The following PPM1H variants were observed in gnomAD, a reference collection of about 807,000 sequenced individuals.
The protein encoded by PPM1H is protein phosphatase 1H.
PPM1H carries 27 observed loss-of-function variants against 54.9 expected under a neutral mutation model. The ratio of observed to expected loss-of-function variants is 0.49; its 90% CI spans 0.36 to 0.68. The LOEUF is 0.68. PPM1H is among the 30% of genes least tolerant of loss of function. The probability of loss-of-function intolerance (pLI) is 0.00; values close to 1 mark genes in which losing one functional copy is unlikely to be tolerated. For synonymous variants in PPM1H, 305 were observed against 270.8 expected (o/e 1.13, Z -1.24); for missense variants, 596 against 667.8 (o/e 0.89, Z 1.19).
At chr12:62,908,823 A>T (rs1871376409) in intron 1 of PPM1H, among the ~76,000 whole-genome samples, 1 of 152,234 alleles carries the variant, frequency 6.6e-6, no homozygotes, top group Non-Finnish European at 1.5e-5. Context: ...AACTCTAAGA[A>T]AAACATTTTC....
At chr12:62,862,689 C>A (rs1869643993) in intron 1 of PPM1H, among the ~76,000 whole-genome samples, 1 of 152,162 alleles carries the variant, frequency 6.6e-6, no homozygotes, top group South Asian at 2.1e-4. Context: ...CAAAGAGAGG[C>A]AGCACTTTAA....
intron 8 of PPM1H, among the ~76,000 whole-genome samples, chr12:62,675,740 T>C (rs1422200912): frequency 1.3e-5 from 2 of 152,230 alleles, no homozygotes; most frequent in African/African-American, 4.8e-5. Flanking sequence ...TGACTGCTAC[T>C]TCTGGCCATT....
chr12:62,905,692 C>T (rs997935814), intron 1 of PPM1H, among the ~76,000 whole-genome samples: 3 of 152,100 alleles, frequency 2.0e-5, no homozygotes, highest in African/African-American at 7.2e-5. Flanking sequence ...AACAGGAAGG[C>T]TTTAACATAC....
chr12:62,846,198 G>A (rs1023529642), intron 1 of PPM1H, among the ~76,000 whole-genome samples: 1 of 152,136 alleles, frequency 6.6e-6, no homozygotes, highest in Non-Finnish European at 1.5e-5. Context: ...AAGATTTCAG[G>A]ATAAAATTTA....
intron 5 of PPM1H, among the ~76,000 whole-genome samples, chr12:62,730,432 C>G (rs749656613): frequency 2.0e-5 from 3 of 152,162 alleles, no homozygotes; most frequent in Non-Finnish European, 2.9e-5. Context: ...GTTCCAATTT[C>G]CACCCTCATC....
At chr12:62,649,144 A>G (rs2075802221) in intron 9 of PPM1H, among the ~76,000 whole-genome samples, 1 of 152,150 alleles carries the variant, frequency 6.6e-6, no homozygotes. Context: ...TTAAGGAAAA[A>G]TGTTAAAAAT....
intron 1 of PPM1H, among the ~76,000 whole-genome samples, chr12:62,868,356 T>C (rs1481814155): frequency 1.3e-5 from 2 of 151,012 alleles, no homozygotes; most frequent in Non-Finnish European, 3.0e-5. Flanking sequence ...GCCCGCTTCC[T>C]GCTAGGGCCA....
Position 62,884,515 on chromosome 12 carries a change from A to AAAG in PPM1H, c.245+49976_245+49977insCTT, listed in dbSNP as rs1555203637. ...AAACTCCATATCAAAAAAAAAAAAA[A>AAAG]AAAGAAAGAAAGAAAGAGAGAAAAG... On this transcript the variant is annotated intron_variant, in intron 1 of 9. Transcript: ENST00000228705. Among the ~76,000 whole-genome samples, 1,077 of 146,274 alleles carry AAAG rather than the reference A, an allele frequency of 7.4e-3. 20 individuals carry two copies. Among genetic ancestry groups the AAAG allele is most frequent in the African/African-American group, 0.027 (1,023 of 37,524 alleles).
chr12:62,921,074 G>A (rs1020796700), intron 1 of PPM1H, among the ~76,000 whole-genome samples: 3 of 151,968 alleles, frequency 2.0e-5, no homozygotes, highest in African/African-American at 7.2e-5. Flanking sequence ...ACAGGCACCT[G>A]CTACCACACC....
At chr12:62,736,741 A>G (rs911931171) in intron 5 of PPM1H, among the ~76,000 whole-genome samples, 2 of 152,248 alleles carry the variant, frequency 1.3e-5, no homozygotes, top group African/African-American at 4.8e-5. Context: ...AAAGAAATCC[A>G]GTTGGCGAGA....
At chr12:62,683,040 TTATTA>T (rs2076030247) in intron 8 of PPM1H, among the ~76,000 whole-genome samples, 3 of 36,828 alleles carry the variant, frequency 8.1e-5, no homozygotes, top group East Asian at 1.5e-3. Context: ...TTATTTATTA[TTATTA>T]TTATTATTAT....
chr12:62,693,399 C>A (rs183091746), intron 7 of PPM1H, among the ~76,000 whole-genome samples: 73 of 152,306 alleles, frequency 4.8e-4, no homozygotes, highest in Non-Finnish European at 1.3e-4. Flanking sequence ...GGACTCTCTT[C>A]CATGGGGCAA....
At chr12:62,916,112 CCTG>C (rs1272907238) in intron 1 of PPM1H, among the ~76,000 whole-genome samples, 3 of 152,198 alleles carry the variant, frequency 2.0e-5, no homozygotes, top group Non-Finnish European at 2.9e-5. Flanking sequence ...CAATGTCTCC[CCTG>C]CTAACTTGTG....
At chr12:62,718,966 G>A (rs1016911255) in intron 6 of PPM1H, among the ~76,000 whole-genome samples, 1 of 152,188 alleles carries the variant, frequency 6.6e-6, no homozygotes, top group Non-Finnish European at 1.5e-5. Flanking sequence ...GCAGTGTGAA[G>A]GCAGTCACAG....
intron 1 of PPM1H, among the ~76,000 whole-genome samples, chr12:62,901,735 T>C (rs1448855466): frequency 6.6e-6 from 1 of 152,142 alleles, no homozygotes; most frequent in Non-Finnish European, 1.5e-5. Flanking sequence ...TAAAATGCTT[T>C]TAGGTGCCAT....
rs1266863396 is a variant in PPM1H, at chr12:62,832,311, A to G, written c.246-32T>C. The G allele has an allele frequency of 1.3e-6, 2 of 1,575,708 alleles. 1 individual carries two copies. The highest frequency in any genetic ancestry group is 3.7e-5 in the Admixed American group (2 of 54,462). On this transcript the variant is annotated intron_variant, in intron 1 of 9. Coordinates refer to ENST00000228705, the MANE Select transcript of PPM1H (RefSeq NM_020700.2). ...AAGAAGCCGGAAAAGCTGGTCAGAC[A>G]GACCGATAAAGCTGAGGGCACAGTC...
intron 8 of PPM1H, among the ~76,000 whole-genome samples, chr12:62,686,642 T>C (rs546299198): frequency 2.0e-5 from 3 of 152,346 alleles, no homozygotes; most frequent in African/African-American, 7.2e-5. Flanking sequence ...ACACCTAATG[T>C]AGTCATGGTC....
At chr12:62,891,457 T>TA (rs1262164787) in intron 1 of PPM1H, among the ~76,000 whole-genome samples, 1 of 152,242 alleles carries the variant, frequency 6.6e-6, no homozygotes, top group African/African-American at 2.4e-5. Context: ...ACCATGTACC[T>TA]ACATGAAAAT....
chr12:62,897,723 G>T (rs1353171508), intron 1 of PPM1H, among the ~76,000 whole-genome samples: 1 of 151,948 alleles, frequency 6.6e-6, no homozygotes, highest in African/African-American at 2.4e-5. Flanking sequence ...ATTTCAGCTG[G>T]GTCAAGCAGA....
Sources: gnomAD v4.1 joint callset for allele counts (sites outside exome capture counted in the v4.1 genomes callset) on GRCh38, gnomAD v4.1.1 for gene constraint, MANE v1.5 for transcripts, NCBI Gene and HGNC (gene_info 2026-07-23, HGNC 2026-07-21) for gene names.